ROBO2: variants seen among roughly 807,000 people sequenced by gnomAD.
ROBO2 encodes roundabout guidance receptor 2, also known as roundabout homolog 2.
ROBO2 carries 53 observed loss-of-function variants against 160.8 expected under a neutral mutation model. The observed-to-expected ratio is 0.33, with a 90% CI of 0.26 to 0.41. The LOEUF is 0.41. ROBO2 is among the 10% of genes least tolerant of loss of function. The pLI, the probability that ROBO2 is intolerant of heterozygous loss-of-function variation, is 1.00. For missense variants in ROBO2, 1,577 were observed against 1,722.4 expected, an observed-to-expected ratio of 0.92 and a Z score of 1.49; for synonymous variants, 664 against 611.7, an observed-to-expected ratio of 1.09 and a Z score of -1.26.
chr3:76,324,363 A>G (rs1200987482), intron 2 of ROBO2, among the ~76,000 whole-genome samples: 2 of 152,224 alleles, frequency 1.3e-5, no homozygotes, highest in Admixed American at 1.3e-4. Flanking sequence ...TTGCTTGTGT[A>G]TACCTTAGGT....
chr3:76,730,283 C>T (rs553866866), intron 2 of ROBO2, among the ~76,000 whole-genome samples: 29 of 83,406 alleles, frequency 3.5e-4, no homozygotes, highest in African/African-American at 1.7e-3. Flanking sequence ...TCCCTACCCG[C>T]TTGTCCTCAC....
At chr3:77,289,607 T>C (rs1250996162) in intron 2 of ROBO2, among the ~76,000 whole-genome samples, 18 of 151,738 alleles carry the variant, frequency 1.2e-4, no homozygotes, top group Admixed American at 6.6e-5. Context: ...TAAAGTAAAA[T>C]TGACGGTTAA....
At chr3:76,334,280 T>C (rs1039280565) in intron 2 of ROBO2, among the ~76,000 whole-genome samples, 1 of 152,154 alleles carries the variant, frequency 6.6e-6, no homozygotes, top group Non-Finnish European at 1.5e-5. Context: ...AGTATTTATG[T>C]GTTAGAGAGA....
At chr3:76,196,943 A>G (rs1209355392) in intron 2 of ROBO2, among the ~76,000 whole-genome samples, 1 of 152,214 alleles carries the variant, frequency 6.6e-6, no homozygotes, top group Non-Finnish European at 1.5e-5. Context: ...TAAATTTAGT[A>G]TGCTTAAGTG....
At chr3:77,362,393 A>T (rs2070159116) in intron 2 of ROBO2, among the ~76,000 whole-genome samples, 1 of 152,138 alleles carries the variant, frequency 6.6e-6, no homozygotes, top group African/African-American at 2.4e-5. Context: ...AACTAAACCA[A>T]CCAAACATGA....
chr3:76,070,176 A>G (rs1229772477), intron 2 of ROBO2, among the ~76,000 whole-genome samples: 1 of 152,244 alleles, frequency 6.6e-6, no homozygotes, highest in Non-Finnish European at 1.5e-5. Context: ...AACAACAGAG[A>G]TAACCTTAAA....
chr3:76,204,162 G>C (rs1040820261), intron 2 of ROBO2, among the ~76,000 whole-genome samples: 2 of 152,114 alleles, frequency 1.3e-5, no homozygotes, highest in African/African-American at 4.8e-5. Flanking sequence ...AGTGATAGTA[G>C]TTTGGGAGGA....
intron 2 of ROBO2, among the ~76,000 whole-genome samples, chr3:76,256,928 A>AGT (rs1358434870): frequency 1.3e-5 from 2 of 151,924 alleles, no homozygotes; most frequent in African/African-American, 4.8e-5. Context: ...CAAGAGAGAG[A>AGT]GTGGGGCGGG....
At chr3:76,975,197 G>C (rs1200428689) in intron 2 of ROBO2, among the ~76,000 whole-genome samples, 1 of 152,092 alleles carries the variant, frequency 6.6e-6, no homozygotes, top group African/African-American at 2.4e-5. Flanking sequence ...TACACAGAAG[G>C]CTTCAGACCA....
intron 2 of ROBO2, among the ~76,000 whole-genome samples, chr3:77,208,478 A>G (rs1312642363): frequency 6.6e-6 from 1 of 152,188 alleles, no homozygotes; most frequent in Non-Finnish European, 1.5e-5. Flanking sequence ...TAGCATGTGG[A>G]TAGCTGATAA....
chr3:76,236,680 T>C (rs1704966251), intron 2 of ROBO2, among the ~76,000 whole-genome samples: 1 of 152,154 alleles, frequency 6.6e-6, no homozygotes, highest in Non-Finnish European at 1.5e-5. Context: ...GACATTGGAA[T>C]AATTTATTTC....
chr3:76,812,136 G>A (rs1486882092), intron 2 of ROBO2, among the ~76,000 whole-genome samples: 2 of 151,766 alleles, frequency 1.3e-5, no homozygotes, highest in African/African-American at 4.8e-5. Flanking sequence ...GCCTCCCAAA[G>A]TGCTAGGATT....
intron 2 of ROBO2, among the ~76,000 whole-genome samples, chr3:76,763,547 C>T (rs542075511): frequency 7.4e-6 from 1 of 135,202 alleles, no homozygotes; most frequent in South Asian, 2.5e-4. Context: ...ATTCAATCCT[C>T]CTTTTAAAAA....
intron 21 of ROBO2, among the ~76,000 whole-genome samples, chr3:77,615,746 A>T (rs901486016): frequency 2.0e-5 from 3 of 152,218 alleles, no homozygotes; most frequent in African/African-American, 7.2e-5. Context: ...ACTGGGAGAC[A>T]TGTTGGTTGC....
chr3:76,108,804 C>G (rs7634690), intron 2 of ROBO2, among the ~76,000 whole-genome samples: 110,392 of 150,946 alleles, frequency 0.73, 41,153 homozygotes, highest in African/African-American at 0.87. Context: ...TTTAAATTAA[C>G]TATTATTTTG....
At chr3:76,561,174 A>G (rs2084164480) in intron 2 of ROBO2, among the ~76,000 whole-genome samples, 1 of 151,844 alleles carries the variant, frequency 6.6e-6, no homozygotes, top group African/African-American at 2.4e-5. Context: ...GATAACGTAT[A>G]TTCTCAAAGA....
At chr3:77,622,200 C>CT in intron 22 of ROBO2, 27 bp from the exon 24 acceptor site, 1 of 1,606,486 alleles carries the variant, frequency 6.2e-7, no homozygotes. Context: ...AGTTGCTTTT[C>CT]TTTTTTAAAT....
At chr3:76,208,245 T>A (rs1413945864) in intron 2 of ROBO2, among the ~76,000 whole-genome samples, 1 of 152,148 alleles carries the variant, frequency 6.6e-6, no homozygotes, top group East Asian at 1.9e-4. Flanking sequence ...TAATACAGAA[T>A]GTTCTGAGTG....
chr3:76,647,597 T>C (rs2091041016), intron 2 of ROBO2, among the ~76,000 whole-genome samples: 1 of 152,214 alleles, frequency 6.6e-6, no homozygotes, highest in Non-Finnish European at 1.5e-5. Context: ...AATTTTAATA[T>C]AACCTTGAGG....
Sources: gnomAD v4.1 joint callset for allele counts (sites outside exome capture counted in the v4.1 genomes callset) on GRCh38, gnomAD v4.1.1 for gene constraint, MANE v1.5 for transcripts, NCBI Gene and HGNC (gene_info 2026-07-23, HGNC 2026-07-21) for gene names.